The following GPC5 variants were observed in gnomAD, a reference collection of about 807,000 sequenced individuals.
GPC5 encodes the protein glypican 5, also known as glypican-5.
Under a neutral mutation model 53.9 loss-of-function variants are expected in GPC5, and 47 were observed. That is an observed-to-expected ratio of 0.87 (90% CI 0.69 to 1.11). The LOEUF (loss-of-function observed/expected upper bound fraction) is 1.11, where lower values mean the gene tolerates loss of function less well. Among genes scored for constraint, GPC5 ranks in the 50% most tolerant of loss-of-function variants. The pLI is 0.00. For missense variants in GPC5, 748 were observed against 713.1 expected (o/e 1.05, Z -0.56); for synonymous variants, 286 against 263.3 (o/e 1.09, Z -0.84).
At chr13:92,033,138 G>A (rs2040867188) in intron 6 of GPC5, among the ~76,000 whole-genome samples, 1 of 151,480 alleles carries the variant, frequency 6.6e-6, no homozygotes. Context: ...ATTTCTGAGT[G>A]GGATCATTTG....
intron 7 of GPC5, among the ~76,000 whole-genome samples, chr13:92,497,372 A>G (rs1880017335): frequency 6.6e-6 from 1 of 152,066 alleles, no homozygotes; most frequent in Non-Finnish European, 1.5e-5. Context: ...TCCTTCCCCC[A>G]TTGCTTGTTT....
intron 6 of GPC5, among the ~76,000 whole-genome samples, chr13:92,079,508 T>A (rs2041278514): frequency 6.6e-6 from 1 of 152,236 alleles, no homozygotes; most frequent in African/African-American, 2.4e-5. Context: ...TTTGTCATAA[T>A]ACGTACATCT....
At chr13:91,435,417 G>A (rs1879856314) in intron 1 of GPC5, among the ~76,000 whole-genome samples, 1 of 152,166 alleles carries the variant, frequency 6.6e-6, no homozygotes, top group South Asian at 2.1e-4. Flanking sequence ...TTTTGTCAAA[G>A]ACCTTTTCTG....
At chr13:91,954,593 C>T (rs2040056530) in intron 6 of GPC5, among the ~76,000 whole-genome samples, 1 of 151,998 alleles carries the variant, frequency 6.6e-6, no homozygotes, top group Non-Finnish European at 1.5e-5. Flanking sequence ...AATCCCTTAA[C>T]ATGATAAGTT....
intron 2 of GPC5, among the ~76,000 whole-genome samples, chr13:91,591,975 A>G (rs186440922): frequency 6.6e-6 from 1 of 152,306 alleles, no homozygotes; most frequent in Admixed American, 6.5e-5. Context: ...CCATTGCTGG[A>G]GAGCTAGTGG....
At chr13:91,981,396 T>G (rs992690108) in intron 6 of GPC5, among the ~76,000 whole-genome samples, 1 of 151,860 alleles carries the variant, frequency 6.6e-6, no homozygotes, top group Non-Finnish European at 1.5e-5. Context: ...TTCACGCCAT[T>G]CTCCTGCCTC....
At chr13:91,955,338 G>A (rs1238868173) in intron 6 of GPC5, among the ~76,000 whole-genome samples, 1 of 152,124 alleles carries the variant, frequency 6.6e-6, no homozygotes, top group South Asian at 2.1e-4. Flanking sequence ...ATTATAAAGC[G>A]GTATTAAATG....
chr13:91,731,912 T>G (rs1407263653), intron 4 of GPC5, among the ~76,000 whole-genome samples: 1 of 152,248 alleles, frequency 6.6e-6, no homozygotes, highest in Non-Finnish European at 1.5e-5. Context: ...GTACCACATT[T>G]TCTTTATCTA....
intron 7 of GPC5, among the ~76,000 whole-genome samples, chr13:92,555,947 T>A (rs990727898): frequency 1.3e-5 from 2 of 151,568 alleles, no homozygotes; most frequent in Admixed American, 1.3e-4. Flanking sequence ...CATATACAAG[T>A]GTATACTATA....
At position 92,866,505 on chromosome 13, in the gene GPC5, G is replaced by A; in HGVS notation, c.*66G>A. On this transcript the variant is annotated 3_prime_UTR_variant, in exon 8 of 8. Transcript: ENST00000377067. ...TTTCTTCTCTCTCTGCATATGCCTG[G>A]AATAAGAGATCCTTTTTCAATGTAA... 1 of 1,216,490 alleles carries A rather than the reference G, an allele frequency of 8.2e-7. No individual in the cohort carries two copies. Among genetic ancestry groups the A allele is most frequent in the South Asian group, 2.1e-5 (1 of 47,154 alleles). 75.4% of individuals were successfully genotyped at this position (1,216,490 alleles called of 1,614,324 possible).
At chr13:92,087,295 T>C (rs1337648571) in intron 6 of GPC5, among the ~76,000 whole-genome samples, 3 of 152,190 alleles carry the variant, frequency 2.0e-5, no homozygotes, top group Admixed American at 6.5e-5. Flanking sequence ...CTGGATTCTT[T>C]ACATAGTTTC....
intron 7 of GPC5, among the ~76,000 whole-genome samples, chr13:92,178,957 C>T (rs1447443768): frequency 3.3e-5 from 5 of 151,876 alleles, no homozygotes; most frequent in East Asian, 1.9e-4. Context: ...GGTGACAGAG[C>T]GGGACCCTGT....
intron 2 of GPC5, among the ~76,000 whole-genome samples, chr13:91,592,686 T>A (rs748343806): frequency 6.6e-6 from 1 of 152,212 alleles, no homozygotes; most frequent in Non-Finnish European, 1.5e-5. Flanking sequence ...TGCTCTATCC[T>A]CTGGACCCTT....
At chr13:91,569,413 G>C (rs1024804249) in intron 2 of GPC5, among the ~76,000 whole-genome samples, 1 of 152,002 alleles carries the variant, frequency 6.6e-6, no homozygotes, top group Non-Finnish European at 1.5e-5. Flanking sequence ...CTCTCTCTCT[G>C]TAATTTTAAA....
rs115411343 is a variant in GPC5 at position 91,812,113 on chromosome 13, T to A, written c.1280+55693T>A. ...TAGTACCTGTTGCCTTAGGCTGAAG[T>A]GGAAAGGTCTGAACTTTCATTGAAG... On this transcript the variant is annotated intron_variant, in intron 5 of 7. Coordinates refer to ENST00000377067, the MANE Select transcript of GPC5 (RefSeq NM_004466.6). Among the ~76,000 whole-genome samples the A allele has an allele frequency of 7.7e-3, 1,173 of 152,270 alleles. 16 individuals are homozygous for A. Among genetic ancestry groups the A allele is most frequent in the African/African-American group, 0.027 (1,115 of 41,566 alleles).
chr13:91,693,178 G>C lies in GPC5; in HGVS notation c.326-9G>C, dbSNP rs377621988. 1 of 1,600,876 alleles carries C rather than the reference G, an allele frequency of 6.2e-7. No individual in the cohort carries two copies. Among genetic ancestry groups the C allele is most frequent in the African/African-American group, 1.3e-5 (1 of 74,400 alleles). On this transcript the variant is annotated splice_polypyrimidine_tract_variant and intron_variant, in intron 2 of 7. Coordinates refer to ENST00000377067, the MANE Select transcript of GPC5 (RefSeq NM_004466.6). ...ACCTTCTCATGTTTTACCTCTGCTT[G>C]TGTTACAGAAACCCTTGAAACTCTC...
At chr13:92,311,353 C>G (rs1312359982) in intron 7 of GPC5, among the ~76,000 whole-genome samples, 1 of 152,104 alleles carries the variant, frequency 6.6e-6, no homozygotes, top group African/African-American at 2.4e-5. Flanking sequence ...TTGGGCTCAT[C>G]TTCTGCTAGA....
At chr13:92,637,785 AT>A (rs1885456287) in intron 7 of GPC5, among the ~76,000 whole-genome samples, 1 of 152,176 alleles carries the variant, frequency 6.6e-6, no homozygotes, top group African/African-American at 2.4e-5. Context: ...GAGAAAAAAA[AT>A]CAAGAGAAAC....
intron 5 of GPC5, among the ~76,000 whole-genome samples, chr13:91,907,561 A>G (rs1426686215): frequency 6.8e-6 from 1 of 147,434 alleles, no homozygotes; most frequent in Non-Finnish European, 1.5e-5. Flanking sequence ...AAAAAATAAG[A>G]TAAGGACTGC....
Sources: gnomAD v4.1 joint callset for allele counts (sites outside exome capture counted in the v4.1 genomes callset) on GRCh38, gnomAD v4.1.1 for gene constraint, MANE v1.5 for transcripts, NCBI Gene and HGNC (gene_info 2026-07-23, HGNC 2026-07-21) for gene names.